The following NEO1 variants were observed in gnomAD, a reference collection of about 807,000 sequenced individuals.
The protein encoded by NEO1 is neogenin 1.
In NEO1, 63 loss-of-function variants were observed where a neutral mutation model predicts 159.7. That is an observed-to-expected ratio of 0.39 (90% CI 0.32 to 0.49). The LOEUF is 0.49. Ranked by LOEUF, NEO1 falls within the 20% of genes least tolerant of loss-of-function variation. The pLI, the probability that NEO1 is intolerant of heterozygous loss-of-function variation, is 0.85. For missense variants in NEO1, 1,615 were observed against 1,831.0 expected (o/e 0.88, Z 2.15); for synonymous variants, 633 against 662.0 (o/e 0.96, Z 0.67).
chr15:73,241,931 A>T (rs913848127), intron 8 of NEO1, among the ~76,000 whole-genome samples: 21 of 152,172 alleles, frequency 1.4e-4, no homozygotes, highest in African/African-American at 4.8e-4. Context: ...GCAAACAAAA[A>T]ATATATATAT....
At chr15:73,263,464 G>A (rs2040729730) in intron 15 of NEO1, among the ~76,000 whole-genome samples, 1 of 151,740 alleles carries the variant, frequency 6.6e-6, no homozygotes. Flanking sequence ...CAAAGTGCTG[G>A]GATTACAGGC....
At chr15:73,276,358 T>A (rs1958187502) in intron 21 of NEO1, among the ~76,000 whole-genome samples, 1 of 152,256 alleles carries the variant, frequency 6.6e-6, no homozygotes, top group Admixed American at 6.5e-5. Context: ...ATAGTTTGGC[T>A]TAAATGTAGC....
At chr15:73,254,571 G>A (rs2040243758) in intron 12 of NEO1, 111 bp from the exon 13 acceptor site, 6 of 1,096,258 alleles carry the variant, frequency 5.5e-6, no homozygotes, top group Non-Finnish European at 7.7e-6. Context: ...TGAGTACCTT[G>A]CTGCCTCTAT....
intron 4 of NEO1, among the ~76,000 whole-genome samples, chr15:73,133,468 G>T (rs1382949129): frequency 6.6e-6 from 1 of 152,108 alleles, no homozygotes; most frequent in Admixed American, 6.5e-5. Flanking sequence ...TGGGTGATGG[G>T]TGCACCAAAA....
chr15:73,073,532 A>C (rs186465962), intron 1 of NEO1, among the ~76,000 whole-genome samples: 136 of 152,220 alleles, frequency 8.9e-4, no homozygotes, highest in African/African-American at 3.1e-3. Flanking sequence ...ATGCAAGGAA[A>C]ATGGGATAAC....
chr15:73,211,894 A>AC (rs1318402199), intron 7 of NEO1, among the ~76,000 whole-genome samples: 1 of 152,164 alleles, frequency 6.6e-6, no homozygotes, highest in African/African-American at 2.4e-5. Context: ...TCTCTGCCAT[A>AC]CCCTTGACAC....
chr15:73,082,370 T>C (rs1232133776), intron 1 of NEO1, among the ~76,000 whole-genome samples: 6 of 152,194 alleles, frequency 3.9e-5, no homozygotes. Flanking sequence ...TAATATAAGA[T>C]GACATTTGTA....
chr15:73,080,970 A>T (rs954091369), intron 1 of NEO1, among the ~76,000 whole-genome samples: 1 of 152,224 alleles, frequency 6.6e-6, no homozygotes, highest in African/African-American at 2.4e-5. Context: ...CTTGATAATA[A>T]TACATTTTAA....
chr15:73,142,354 G>C (rs540766502), intron 5 of NEO1, among the ~76,000 whole-genome samples: 2 of 152,124 alleles, frequency 1.3e-5, no homozygotes, highest in Non-Finnish European at 2.9e-5. Context: ...TGTCATGATA[G>C]CTGGGCTTTC....
At chr15:73,248,902 T>A (rs1175973300) in intron 9 of NEO1, among the ~76,000 whole-genome samples, 158 bp from the exon 10 acceptor site, 1 of 152,266 alleles carries the variant, frequency 6.6e-6, no homozygotes, top group Non-Finnish European at 1.5e-5. Flanking sequence ...AAGGAAAATG[T>A]GTTTATATAT....
intron 8 of NEO1, among the ~76,000 whole-genome samples, chr15:73,241,528 A>G (rs931811500): frequency 2.6e-5 from 4 of 152,186 alleles, no homozygotes; most frequent in Admixed American, 1.3e-4. Flanking sequence ...TTAATACATA[A>G]AGAAAGTGAG....
chr15:73,248,674 T>C (rs932099969), intron 9 of NEO1, among the ~76,000 whole-genome samples: 2 of 152,224 alleles, frequency 1.3e-5, no homozygotes, highest in Non-Finnish European at 2.9e-5. Context: ...TGTAACTGTT[T>C]ATATGTCTGA....
chr15:73,244,954 CAAAAAAAAAAAAAAAA>C (rs57566986), intron 9 of NEO1, among the ~76,000 whole-genome samples: 6 of 16,524 alleles, frequency 3.6e-4, no homozygotes, highest in South Asian at 4.7e-3. Flanking sequence ...GACTCTGTCT[CAAAAAAAAAAAAAAAA>C]AAAAAAAAAA....
At chr15:73,264,985 A>G (rs1348521933) in intron 15 of NEO1, among the ~76,000 whole-genome samples, 1 of 152,228 alleles carries the variant, frequency 6.6e-6, no homozygotes, top group Non-Finnish European at 1.5e-5. Context: ...TAGAGAGGCT[A>G]GTCCAGTGTG....
intron 7 of NEO1, among the ~76,000 whole-genome samples, chr15:73,191,600 A>G (rs1238196668): frequency 1.3e-5 from 2 of 151,210 alleles, no homozygotes; most frequent in African/African-American, 4.8e-5. Context: ...AGTGAAGATA[A>G]AAGCTTAACT....
At chr15:73,244,808 G>C (rs529063554) in intron 9 of NEO1, among the ~76,000 whole-genome samples, 1 of 151,150 alleles carries the variant, frequency 6.6e-6, no homozygotes, top group Non-Finnish European at 1.5e-5. Context: ...AAAATTAGCC[G>C]GGTATGGTAG....
chr15:73,055,453 A>G (rs1338596538), intron 1 of NEO1, among the ~76,000 whole-genome samples: 2 of 152,136 alleles, frequency 1.3e-5, no homozygotes, highest in East Asian at 1.9e-4. Context: ...GCATTACTCT[A>G]TCTTCAGGTT....
chr15:73,190,784 T>C (rs1039792518), intron 7 of NEO1, among the ~76,000 whole-genome samples: 1 of 152,130 alleles, frequency 6.6e-6, no homozygotes, highest in African/African-American at 2.4e-5. Context: ...TTTGACTTCT[T>C]AATCATGAAA....
chr15:73,257,294 G>T (rs1192830278), intron 13 of NEO1, among the ~76,000 whole-genome samples: 6 of 147,678 alleles, frequency 4.1e-5, no homozygotes, highest in African/African-American at 1.5e-4. Flanking sequence ...TATAGTCCTT[G>T]CCCATGAGGA....
Sources: allele counts gnomAD v4.1 joint callset (sites outside exome capture counted in the v4.1 genomes callset), GRCh38; gene constraint gnomAD v4.1.1; transcripts MANE v1.5; gene names NCBI Gene and HGNC (gene_info 2026-07-23, HGNC 2026-07-21).